Variants in PZP observed in about 807,000 individuals in gnomAD.
PZP encodes the protein pregnancy zone protein.
Under a neutral mutation model 179.8 loss-of-function variants are expected in PZP, and 150 were observed. That is an observed-to-expected ratio of 0.83 (90% CI 0.73 to 0.96). The LOEUF (loss-of-function observed/expected upper bound fraction) is 0.96, where lower values mean the gene tolerates loss of function less well. PZP is among the 40% of genes least tolerant of loss of function. The pLI, the probability that PZP is intolerant of heterozygous loss-of-function variation, is 0.00. For synonymous variants in PZP, 624 were observed against 652.3 expected (o/e 0.96, Z 0.66); for missense variants, 1,689 against 1,764.0 (o/e 0.96, Z 0.76).
At chr12:9,185,488 A>G (rs1360774895) in intron 13 of PZP, among the ~76,000 whole-genome samples, 1 of 152,236 alleles carries the variant, frequency 6.6e-6, no homozygotes, top group Non-Finnish European at 1.5e-5. Flanking sequence ...GATGAGCATA[A>G]TGAAAGCAAC....
rs16918152 is a variant in PZP at position 9,181,999 on chromosome 12, C to A, written c.1665G>T (p.Glu555Asp). 1.9e-6 allele frequency: 3 copies of A among 1,613,592 alleles called. No individual in the cohort carries two copies. The highest frequency in any genetic ancestry group is 2.5e-6 in the Non-Finnish European group (3 of 1,179,804). The change falls in exon 14 of 36, where the codon GAG becomes GAT. Residue 555 changes from glutamate to aspartate, a missense_variant. Around this residue, in one of 3 missense-constraint regions of PZP, gnomAD observed 742 missense variants for 730.5 expected, o/e 1.02. Coordinates refer to ENST00000261336, the MANE Select transcript of PZP (RefSeq NM_002864.3). ...GEVVGDSEKF[E>D]IENCLANKVD... ...CCTTGTTGGCTAGACAGTTTTCAAT[C>A]TCAAATTTTTCAGAGTCTCCAACAA...
downstream of PZP, among the ~76,000 whole-genome samples, chr12:9,144,018 G>T (rs984975959): frequency 1.3e-5 from 2 of 152,250 alleles, no homozygotes; most frequent in African/African-American, 4.8e-5. Flanking sequence ...CTGGTCCTCT[G>T]AGGATCAGGA....
the PZP span, among the ~76,000 whole-genome samples, chr12:9,140,178 G>A: frequency 2.0e-5 from 3 of 152,210 alleles, no homozygotes; most frequent in African/African-American, 7.2e-5. Flanking sequence ...GTAGTTGTCT[G>A]TGAAATGGCC....
intron 15 of PZP, among the ~76,000 whole-genome samples, chr12:9,174,721 A>C (rs898247667): frequency 1.3e-5 from 2 of 152,188 alleles, no homozygotes; most frequent in Non-Finnish European, 2.9e-5. Context: ...ATTGCTACAG[A>C]AAGAATAAAA....
Position 9,175,155 on chromosome 12 carries a change from C to T in PZP, c.1840-5564G>A, listed in dbSNP as rs369012412. On this transcript the variant is annotated intron_variant, in intron 15 of 35. Coordinates refer to ENST00000261336, the MANE Select transcript of PZP (RefSeq NM_002864.3). ...AGAATAGAGAACTCAGAGATAAAAC[C>T]GCAAACCTACAACCATCTGATCTTT... Among the ~76,000 whole-genome samples the T allele has an allele frequency of 3.3e-5, 5 of 152,022 alleles. 1 individual carries two copies. The South Asian group carries it at 6.2e-4, about 19-fold the overall frequency.
chr12:9,202,789 G>A, intron 2 of PZP, 105 bp from the exon 3 acceptor site: 3 of 1,092,538 alleles, frequency 2.7e-6, no homozygotes, highest in Non-Finnish European at 3.9e-6. Flanking sequence ...TCACCAAGGA[G>A]AAGGAAGGTG....
At position 9,181,903 on chromosome 12, in the gene PZP, T is replaced by C. The variant is rs746833603; in HGVS notation, c.1689+72A>G. Reference sequence around the variant, plus strand: ...TTTTACTTTTCTGGACTTAGTTTTCTCTGGGGTAAAATAGATGGCACCTAC... The same window carrying C: ...TTTTACTTTTCTGGACTTAGTTTTCCCTGGGGTAAAATAGATGGCACCTAC... On this transcript the variant is annotated intron_variant, in intron 14 of 35. Coordinates refer to ENST00000261336, the MANE Select transcript of PZP (RefSeq NM_002864.3). 5.3e-6 allele frequency: 8 copies of C among 1,509,008 alleles called. No individual in the cohort carries two copies. The African/African-American group carries it at 1.1e-4, about 21-fold the overall frequency. The allele number at this position is 1,509,008 out of a possible 1,614,324, so 93.5% of individuals were successfully genotyped here.
intron 10 of PZP, 81 bp from the exon 11 acceptor site, chr12:9,194,319 C>T (rs1021078935): frequency 2.9e-6 from 4 of 1,357,866 alleles, no homozygotes; most frequent in Non-Finnish European, 4.0e-6. Context: ...GCTTTTGCTG[C>T]TATAACTAAA....
At chr12:9,154,573 G>T in intron 29 of PZP, 43 bp downstream of exon 29, 3 of 1,561,466 alleles carry the variant, frequency 1.9e-6, no homozygotes, top group East Asian at 2.3e-5. Context: ...CCTCCCAATT[G>T]CCAAGTGAAC....
intron 31 of PZP, among the ~76,000 whole-genome samples, chr12:9,152,571 T>C (rs145466163): frequency 5.9e-5 from 9 of 152,344 alleles, no homozygotes; most frequent in African/African-American, 1.9e-4. Context: ...ATCTTGCTAA[T>C]TGGCATTTTT....
chr12:9,178,897 T>C (rs1379986084), intron 15 of PZP, among the ~76,000 whole-genome samples: 1 of 152,032 alleles, frequency 6.6e-6, no homozygotes, highest in African/African-American at 2.4e-5. Flanking sequence ...GTCTCAGATA[T>C]AGTTATCTCA....
At chr12:9,174,511 A>G (rs1354606576) in intron 15 of PZP, among the ~76,000 whole-genome samples, 1 of 152,236 alleles carries the variant, frequency 6.6e-6, no homozygotes, top group Non-Finnish European at 1.5e-5. Flanking sequence ...GTATTCGAAT[A>G]GGAAGAGAGA....
chr12:9,202,639 G>A lies in PZP; in HGVS notation c.313C>T (p.Gln105Ter). Residue 105 changes from glutamine (Q) to a stop codon, truncating the protein, a stop_gained, in exon 3 of 36, where the codon CAG (glutamine) becomes TAG (stop). Transcript: ENST00000261336. LOFTEE classifies it high-confidence loss of function. ...ASSEVAFLSI[Q>*]IKGPTQDFRK... ...AAATCTTGCGTAGGCCCCTTTATCT[G>A]GATGCTAAGGAATGCCACCTCTGAA... 2 of 1,614,106 alleles carry A rather than the reference G, an allele frequency of 1.2e-6. No individual in the cohort carries two copies. The highest frequency in any genetic ancestry group is 1.7e-6 in the Non-Finnish European group (2 of 1,179,994).
chr12:9,153,396 G>A, intron 29 of PZP, 53 bp from the exon 30 acceptor site: 1 of 1,485,586 alleles, frequency 6.7e-7, no homozygotes, highest in South Asian at 1.2e-5. Context: ...TGGCATCTGG[G>A]ATTTTCCCCC....
In PZP at chr12:9,162,596, C is replaced by A; in HGVS notation, c.2788+1G>T. The A allele has an allele frequency of 6.3e-7, 1 of 1,581,568 alleles. No individual in the cohort carries two copies. Among genetic ancestry groups the A allele is most frequent in the Non-Finnish European group, 8.7e-7 (1 of 1,151,178 alleles). On this transcript the variant is annotated splice_donor_variant, in intron 22 of 35. Coordinates refer to ENST00000261336, the MANE Select transcript of PZP (RefSeq NM_002864.3). LOFTEE classifies it high-confidence loss of function. ...CTATGATTATGAAGATGGACTCTTA[C>A]CTGAGGCACAGGTCATAGAACTGAA... is the stretch of plus-strand genomic sequence containing the variant.
At chr12:9,196,791 G>C in intron 8 of PZP, 106 bp from the exon 9 acceptor site, 1 of 966,846 alleles carries the variant, frequency 1.0e-6, no homozygotes, top group Non-Finnish European at 1.6e-6. Flanking sequence ...TTTGCATTAA[G>C]TAAGTTAATT....
At chr12:9,181,658 G>A (rs17730999) in intron 14 of PZP, among the ~76,000 whole-genome samples, 2,729 of 152,190 alleles carry the variant, frequency 0.018, 33 homozygotes, top group Non-Finnish European at 0.026. Flanking sequence ...CACATGATAA[G>A]GTAATTCTAG....
At chr12:9,187,423 C>T (rs1283271878) in intron 13 of PZP, among the ~76,000 whole-genome samples, 1 of 152,158 alleles carries the variant, frequency 6.6e-6, no homozygotes, top group Non-Finnish European at 1.5e-5. Context: ...ACCGATCACA[C>T]AATCAGACAT....
Position 9,168,296 on chromosome 12 carries a change from T to A in PZP, c.2107+573A>T, listed in dbSNP as rs763426109. ...ATATAAATATTTGTGAGCAGATGGA[T>A]GTCAGGGATATTTTGGAGAAAAAGG... On this transcript the variant is annotated intron_variant, in intron 17 of 35. Transcript: ENST00000261336. Among the ~76,000 whole-genome samples, 6 of 152,298 alleles carry A rather than the reference T, an allele frequency of 3.9e-5. No homozygotes were observed. In the South Asian group the frequency reaches 1.2e-3, roughly 32 times the overall value.
Sources: allele counts gnomAD v4.1 joint callset (sites outside exome capture counted in the v4.1 genomes callset), GRCh38; gene constraint gnomAD v4.1.1; regional missense constraint gnomAD v4.1.1; transcripts MANE v1.5; gene names NCBI Gene and HGNC (gene_info 2026-07-23, HGNC 2026-07-21).